IL1RAPL1: variants seen among roughly 807,000 people sequenced by gnomAD.
The protein encoded by IL1RAPL1 is interleukin-1 receptor accessory protein-like 1.
In IL1RAPL1, 3 loss-of-function variants were observed where a neutral mutation model predicts 48.4. The ratio of observed to expected loss-of-function variants is 0.06; its 90% CI spans 0.03 to 0.16. IL1RAPL1 has a LOEUF of 0.16. Among genes scored for constraint, IL1RAPL1 ranks in the 10% least tolerant of loss-of-function variants. The probability of loss-of-function intolerance (pLI) is 1.00; values close to 1 mark genes in which losing one functional copy is unlikely to be tolerated. For missense variants in IL1RAPL1, 349 were observed against 530.6 expected, an observed-to-expected ratio of 0.66 and a Z score of 3.36; for synonymous variants, 185 against 187.7, an observed-to-expected ratio of 0.99 and a Z score of 0.12.
At chrX:28,600,796 G>A (rs1372312512) in intron 1 of IL1RAPL1, among the ~76,000 whole-genome samples, 2 of 111,498 alleles carry the variant, frequency 1.8e-5, no homozygotes, top group African/African-American at 6.5e-5. Context: ...TGAAATCATC[G>A]AAATAATATA....
intron 9 of IL1RAPL1, among the ~76,000 whole-genome samples, chrX:29,951,898 AGTG>A (rs1294208332): frequency 9.0e-6 from 1 of 111,130 alleles, no homozygotes; most frequent in African/African-American, 3.3e-5. Flanking sequence ...TCTACACAGA[AGTG>A]ATGTTATGGA....
At chrX:28,785,206 C>T (rs1354956934) in intron 1 of IL1RAPL1, among the ~76,000 whole-genome samples, 1 of 111,864 alleles carries the variant, frequency 8.9e-6, no homozygotes, top group Non-Finnish European at 1.9e-5. Context: ...CTCACTCCAG[C>T]CTCAACCTCT....
chrX:29,642,285 C>T (rs781296892), intron 5 of IL1RAPL1, among the ~76,000 whole-genome samples: 2 of 112,153 alleles, frequency 1.8e-5, no homozygotes, highest in East Asian at 2.8e-4. Context: ...ATATTTCTAA[C>T]GTTCTCTTTT....
At chrX:29,583,182 G>A (rs1230323384) in intron 5 of IL1RAPL1, among the ~76,000 whole-genome samples, 3 of 89,728 alleles carry the variant, frequency 3.3e-5, no homozygotes, top group African/African-American at 8.5e-5. Flanking sequence ...CTCTCTCACC[G>A]CTCCTATTCA....
chrX:28,721,964 T>A (rs929554119), intron 1 of IL1RAPL1, among the ~76,000 whole-genome samples: 7 of 111,903 alleles, frequency 6.3e-5, no homozygotes, highest in African/African-American at 2.3e-4. Flanking sequence ...ATCTCTGTTT[T>A]GGTACCAGTA....
At chrX:28,617,298 T>C (rs372115773) in intron 1 of IL1RAPL1, among the ~76,000 whole-genome samples, 1 of 111,564 alleles carries the variant, frequency 9.0e-6, no homozygotes, top group Non-Finnish European at 1.9e-5. Context: ...ACTAGTCTTT[T>C]TGGGGAAGAG....
chrX:28,751,609 T>C (rs1332402335), intron 1 of IL1RAPL1, among the ~76,000 whole-genome samples: 7 of 112,309 alleles, frequency 6.2e-5, no homozygotes, highest in Admixed American at 1.9e-4. Context: ...CTTCAGCAGA[T>C]ACTCCATTAT....
intron 3 of IL1RAPL1, among the ~76,000 whole-genome samples, chrX:29,315,641 C>G (rs752809412): frequency 8.9e-6 from 1 of 111,775 alleles, no homozygotes; most frequent in South Asian, 3.7e-4. Flanking sequence ...GTCATTTAAA[C>G]AATATTCTTA....
At position 29,032,278 on chromosome X, in the gene IL1RAPL1, T is replaced by G. The variant is rs745557503; in HGVS notation, c.82+242853T>G. Among the ~76,000 whole-genome samples, 3 of 112,239 alleles carry G rather than the reference T, an allele frequency of 2.7e-5. No individual in the cohort carries two copies. In the East Asian group the frequency reaches 8.5e-4, roughly 32 times the overall value. On this transcript the variant is annotated intron_variant, in intron 2 of 10. Coordinates refer to ENST00000378993, the MANE Select transcript of IL1RAPL1 (RefSeq NM_014271.4). Reference sequence around the variant, plus strand: ...GTGTCTGTATATTTTTAACCCTCTATGTTGGTGATTCTCCAAAAGGGAGCA... The same window carrying G: ...GTGTCTGTATATTTTTAACCCTCTAGGTTGGTGATTCTCCAAAAGGGAGCA...
intron 1 of IL1RAPL1, among the ~76,000 whole-genome samples, chrX:28,634,423 G>T (rs182035685): frequency 9.3e-6 from 1 of 107,684 alleles, no homozygotes; most frequent in Non-Finnish European, 1.9e-5. Context: ...ACATATATAC[G>T]TATGTATATA....
chrX:29,947,752 GTT>G lies in IL1RAPL1; in HGVS notation c.1201+5972_1201+5973del, dbSNP rs367605832. On this transcript the variant is annotated intron_variant, in intron 9 of 10. Coordinates refer to ENST00000378993, the MANE Select transcript of IL1RAPL1 (RefSeq NM_014271.4). ...AAACCTTATAGGGATTTTTTTTGGTGTTTTTTTTTTTTTTTGGTGGGGGGGTG... is the reference window on the plus strand; with the variant it reads ...AAACCTTATAGGGATTTTTTTTGGTGTTTTTTTTTTTTTGGTGGGGGGGTG... Among the ~76,000 whole-genome samples, 29 of 54,147 alleles carry G rather than the reference GTT, an allele frequency of 5.4e-4. 1 individual carries two copies. The highest frequency in any genetic ancestry group is 1.1e-3 in the African/African-American group (16 of 14,944). 47.0% of individuals were successfully genotyped at this position (54,147 alleles called of 115,157 possible).
rs557765024 is a variant in IL1RAPL1 at position 29,449,780 on chromosome X, C to CACACACACACAGAGAGAGAG, written c.703+50473_703+50474insCACACACACAGAGAGAGAGA. ...ACACACACACACACACACACACACA[C>CACACACACACAGAGAGAGAG]AGAGAGAGAGAGAGAGAGAATATAA... On this transcript the variant is annotated intron_variant, in intron 5 of 10. Coordinates refer to ENST00000378993, the MANE Select transcript of IL1RAPL1 (RefSeq NM_014271.4). Among the ~76,000 whole-genome samples the CACACACACACAGAGAGAGAG allele has an allele frequency of 1.3e-3, 78 of 58,235 alleles. 2 individuals carry two copies. The highest frequency in any genetic ancestry group is 4.2e-3 in the African/African-American group (57 of 13,420). The allele number at this position is 58,235 out of a possible 115,157, so 50.6% of individuals were successfully genotyped here.
intron 6 of IL1RAPL1, among the ~76,000 whole-genome samples, chrX:29,871,435 T>C (rs912194667): frequency 8.9e-6 from 1 of 112,222 alleles, no homozygotes; most frequent in African/African-American, 3.2e-5. Context: ...CATTTTGATA[T>C]GCAACACAGC....
intron 1 of IL1RAPL1, among the ~76,000 whole-genome samples, chrX:28,646,080 C>T (rs1934604862): frequency 8.9e-6 from 1 of 112,088 alleles, no homozygotes; most frequent in Non-Finnish European, 1.9e-5. Flanking sequence ...TGGTCCCCAA[C>T]CTTTTAGGCA....
intron 5 of IL1RAPL1, among the ~76,000 whole-genome samples, chrX:29,553,136 A>G (rs1398162914): frequency 9.0e-6 from 1 of 111,661 alleles, no homozygotes; most frequent in Non-Finnish European, 1.9e-5. Flanking sequence ...TTTTCAGACA[A>G]TGTTTTATCT....
At chrX:29,458,313 C>T (rs1934762649) in intron 5 of IL1RAPL1, among the ~76,000 whole-genome samples, 1 of 111,975 alleles carries the variant, frequency 8.9e-6, no homozygotes, top group African/African-American at 3.2e-5. Flanking sequence ...TTGAATTTGC[C>T]TCTATTCTGA....
chrX:29,804,695 G>T (rs767946975), intron 6 of IL1RAPL1, among the ~76,000 whole-genome samples: 2 of 111,982 alleles, frequency 1.8e-5, no homozygotes, highest in Admixed American at 9.5e-5. Flanking sequence ...CCAGTCTTGT[G>T]TATGTCTTTA....
At chrX:28,595,554 T>C (rs1438196635) in intron 1 of IL1RAPL1, among the ~76,000 whole-genome samples, 2 of 111,850 alleles carry the variant, frequency 1.8e-5, no homozygotes, top group African/African-American at 6.5e-5. Flanking sequence ...CTAGAGTTAC[T>C]GGGTAGGGAG....
At chrX:29,371,592 C>T (rs1933546938) in intron 3 of IL1RAPL1, among the ~76,000 whole-genome samples, 1 of 111,561 alleles carries the variant, frequency 9.0e-6, no homozygotes, top group Admixed American at 9.5e-5. Flanking sequence ...ACACTCTGTC[C>T]TTCCCTTTCC....
Sources: allele counts gnomAD v4.1 joint callset (sites outside exome capture counted in the v4.1 genomes callset), GRCh38; gene constraint gnomAD v4.1.1; transcripts MANE v1.5; gene names NCBI Gene and HGNC (gene_info 2026-07-23, HGNC 2026-07-21).